Variants in ABI3BP observed in about 807,000 individuals in gnomAD.
ABI3BP encodes ABI family member 3 binding protein, also known as target of Nesh-SH3.
In ABI3BP, 216 loss-of-function variants were observed where a neutral mutation model predicts 268.6. The ratio of observed to expected loss-of-function variants is 0.80; its 90% CI spans 0.72 to 0.90. ABI3BP has a LOEUF of 0.90. ABI3BP is among the 40% of genes least tolerant of loss of function. The pLI is 0.00. For missense variants in ABI3BP, 2,090 were observed against 2,182.4 expected, an observed-to-expected ratio of 0.96 and a Z score of 0.84; for synonymous variants, 730 against 730.0, an observed-to-expected ratio of 1.00 and a Z score of 0.00.
chr3:100,787,710 T>C lies in ABI3BP; in HGVS notation c.4162+18A>G. 1 of 1,502,910 alleles carries C rather than the reference T, an allele frequency of 6.7e-7. No homozygotes were observed. The highest frequency in any genetic ancestry group is 8.9e-7 in the Non-Finnish European group (1 of 1,128,996). The allele number at this position is 1,502,910 out of a possible 1,614,324, so 93.1% of individuals were successfully genotyped here. On this transcript the variant is annotated intron_variant, in intron 57 of 67. Transcript: ENST00000471714. ...TAGTTTTGACAGGATAAAAAGGAAA[T>C]ACATTTGTGATTATTACCTGTTCCC...
At chr3:100,892,468 G>A (rs575593461) in intron 4 of ABI3BP, among the ~76,000 whole-genome samples, 25 of 152,354 alleles carry the variant, frequency 1.6e-4, no homozygotes, top group African/African-American at 5.0e-4. Flanking sequence ...AGTATAGAAA[G>A]TATGAATTTA....
chr3:100,766,037 T>C, intron 62 of ABI3BP, 88 bp from the exon 63 acceptor site: 1 of 926,656 alleles, frequency 1.1e-6, no homozygotes. Flanking sequence ...AAAAAGCCAC[T>C]TACATAAAGT....
chr3:100,835,607 T>C lies in ABI3BP; in HGVS notation c.2185A>G (p.Thr729Ala). Residue 729 changes from threonine to alanine, a missense_variant, in exon 28 of 68, where the codon ACA becomes GCA. By Grantham distance (58) the Thr-to-Ala change is moderately conservative. Transcript: ENST00000471714. Reference protein sequence around the residue: ...VTVRTEATVTTLAPKTSQRTR... With the variant: ...VTVRTEATVTALAPKTSQRTR... ...AGACATAAGAGGTCATTACCTAATG[T>C]TGTCACTGTAGCCTCAGTTCTCACA... The C allele has an allele frequency of 6.5e-7, 1 of 1,534,656 alleles. No individual in the cohort carries two copies. The highest frequency in any genetic ancestry group is 8.7e-7 in the Non-Finnish European group (1 of 1,145,836).
intron 61 of ABI3BP, among the ~76,000 whole-genome samples, chr3:100,771,895 G>A (rs1256935367): frequency 6.6e-6 from 1 of 152,028 alleles, no homozygotes; most frequent in African/African-American, 2.4e-5. Flanking sequence ...TAAACCCATA[G>A]ATCCAAAAAG....
chr3:100,835,532 A>G, intron 28 of ABI3BP, 69 bp downstream of exon 28: 1 of 1,233,530 alleles, frequency 8.1e-7, no homozygotes, highest in East Asian at 2.6e-5. Flanking sequence ...CCCTTAGCCC[A>G]AATAGTGATG....
intron 60 of ABI3BP, 29 bp from the exon 61 acceptor site, chr3:100,774,702 G>A: frequency 6.7e-7 from 1 of 1,491,930 alleles, no homozygotes; most frequent in Non-Finnish European, 9.0e-7. Flanking sequence ...GAACAGTTTT[G>A]GCAAAAGATA....
At chr3:100,982,253 C>G (rs1385808204) in intron 1 of ABI3BP, among the ~76,000 whole-genome samples, 1 of 152,052 alleles carries the variant, frequency 6.6e-6, no homozygotes, top group East Asian at 1.9e-4. Flanking sequence ...GATTACAATT[C>G]GAGACAAGAT....
chr3:100,886,065 A>C, intron 5 of ABI3BP, 77 bp downstream of exon 5: 1 of 1,134,298 alleles, frequency 8.8e-7, no homozygotes, highest in South Asian at 1.9e-5. Context: ...TTATACAATG[A>C]ATAACATAAT....
In ABI3BP at chr3:100,765,592, T is replaced by C. The variant is rs115620999; in HGVS notation, c.4850+249A>G. Reference sequence around the variant, plus strand: ...TTTAATATCAACATTTGGTATCAGATGTTTTTTTAAAGATGTAATACTGTT... The same window carrying C: ...TTTAATATCAACATTTGGTATCAGACGTTTTTTTAAAGATGTAATACTGTT... On this transcript the variant is annotated intron_variant, in intron 63 of 67. Transcript: ENST00000471714. 3.4e-3 allele frequency among the ~76,000 whole-genome samples: 520 copies of C among 152,326 alleles called. 5 individuals are homozygous for C. Among genetic ancestry groups the C allele is most frequent in the Non-Finnish European group, 5.0e-3 (339 of 68,026 alleles).
intron 1 of ABI3BP, among the ~76,000 whole-genome samples, chr3:100,960,282 C>T (rs909497472): frequency 2.0e-5 from 3 of 152,100 alleles, no homozygotes; most frequent in Non-Finnish European, 4.4e-5. Flanking sequence ...TGAACCAGTG[C>T]AACATGCATG....
intron 1 of ABI3BP, among the ~76,000 whole-genome samples, chr3:100,936,465 TG>T (rs2066177919): frequency 6.6e-6 from 1 of 152,188 alleles, no homozygotes; most frequent in African/African-American, 2.4e-5. Flanking sequence ...TGCCAGGTTT[TG>T]GTATCAGGAT....
intron 63 of ABI3BP, among the ~76,000 whole-genome samples, chr3:100,761,537 C>T (rs907683312): frequency 6.6e-6 from 1 of 152,030 alleles, no homozygotes; most frequent in Non-Finnish European, 1.5e-5. Flanking sequence ...AGCAAAACAG[C>T]TGCTGGATGG....
intron 49 of ABI3BP, among the ~76,000 whole-genome samples, chr3:100,809,470 C>T (rs1481405749): frequency 6.6e-6 from 1 of 151,940 alleles, no homozygotes; most frequent in Non-Finnish European, 1.5e-5. Context: ...TCACTAATAG[C>T]AGTATTTGCA....
At chr3:100,955,525 A>T (rs935523241) in intron 1 of ABI3BP, among the ~76,000 whole-genome samples, 2 of 152,218 alleles carry the variant, frequency 1.3e-5, no homozygotes, top group Admixed American at 1.3e-4. Flanking sequence ...ATTTTAAATT[A>T]GACTATTCTC....
chr3:100,818,652 A>T lies in ABI3BP; in HGVS notation c.3032-71T>A, dbSNP rs372664795. ...TATCTTTCCATTATAATACTGCTTCAATCAGTATATAGCAATTTTAAGAAA... is the reference window on the plus strand; with the variant it reads ...TATCTTTCCATTATAATACTGCTTCTATCAGTATATAGCAATTTTAAGAAA... On this transcript the variant is annotated intron_variant, in intron 40 of 67. Transcript: ENST00000471714. The T allele has an allele frequency of 9.0e-5, 109 of 1,215,826 alleles. No individual in the cohort carries two copies. In the African/African-American group the frequency reaches 1.4e-3, roughly 15 times the overall value. The allele number at this position is 1,215,826 out of a possible 1,614,324, so 75.3% of individuals were successfully genotyped here. A position where few individuals can be genotyped will look rare whatever the true frequency, so the allele number is the denominator to read the frequency against.
chr3:100,881,639 A>G (rs886648176), intron 6 of ABI3BP, among the ~76,000 whole-genome samples: 1 of 149,298 alleles, frequency 6.7e-6, no homozygotes, highest in African/African-American at 2.5e-5. Flanking sequence ...ATTAGGTTTT[A>G]CCTTCAAAAA....
At chr3:100,909,939 A>G (rs2055508705) in intron 2 of ABI3BP, among the ~76,000 whole-genome samples, 1 of 152,210 alleles carries the variant, frequency 6.6e-6, no homozygotes, top group Non-Finnish European at 1.5e-5. Flanking sequence ...AAAGAATTAT[A>G]AATCATTCTA....
intron 4 of ABI3BP, among the ~76,000 whole-genome samples, chr3:100,891,755 G>A (rs548467703): frequency 1.3e-5 from 2 of 152,274 alleles, no homozygotes; most frequent in Non-Finnish European, 2.9e-5. Flanking sequence ...CATCCCACTT[G>A]CATATTCACT....
At chr3:100,981,578 G>T (rs1371033459) in intron 1 of ABI3BP, among the ~76,000 whole-genome samples, 1 of 152,192 alleles carries the variant, frequency 6.6e-6, no homozygotes, top group Non-Finnish European at 1.5e-5. Context: ...TAAGTCACAT[G>T]GAATTGCATC....
Sources: allele counts gnomAD v4.1 joint callset (sites outside exome capture counted in the v4.1 genomes callset), GRCh38; gene constraint gnomAD v4.1.1; transcripts MANE v1.5; gene names NCBI Gene and HGNC (gene_info 2026-07-23, HGNC 2026-07-21).